The following NSUN7 variants were observed in gnomAD, a reference collection of about 807,000 sequenced individuals.
NSUN7 encodes the protein NOP2/Sun RNA methyltransferase family member 7, also known as protein NSUN7.
A neutral mutation model predicts 58.5 loss-of-function variants in NSUN7; 39 were observed. The observed-to-expected ratio is 0.67, with a 90% confidence interval of 0.52 to 0.87. The LOEUF (loss-of-function observed/expected upper bound fraction) is 0.87. NSUN7 is among the 40% of genes least tolerant of loss of function. NSUN7 has a pLI of 0.00. For synonymous variants in NSUN7, 278 were observed against 303.7 expected, an observed-to-expected ratio of 0.92 and a Z score of 0.88; for missense variants, 765 against 844.1, an observed-to-expected ratio of 0.91 and a Z score of 1.16.
rs541980574 is a variant in NSUN7, at chr4:40,758,928, C to T, written c.299-1506C>T. On this transcript the variant is annotated intron_variant, in intron 2 of 11. Transcript: ENST00000381782. The stretch of plus-strand genomic sequence containing the variant: ...TGAATTCAAATTCAAGGTATAAATT[C>T]AATTTATACCTTGGTTATAGTAGGC... Among the ~76,000 whole-genome samples, 4 of 151,912 alleles carry T rather than the reference C, an allele frequency of 2.6e-5. No homozygotes were observed. The South Asian group carries it at 8.3e-4, about 32-fold the overall frequency.
At chr4:40,785,227 G>A (rs905373949) in intron 7 of NSUN7, among the ~76,000 whole-genome samples, 1 of 151,126 alleles carries the variant, frequency 6.6e-6, no homozygotes, top group Non-Finnish European at 1.5e-5. Flanking sequence ...GTAGAGACAA[G>A]GTCTCACTAT....
intron 2 of NSUN7, among the ~76,000 whole-genome samples, chr4:40,755,078 G>C (rs1481174733): frequency 6.6e-6 from 1 of 152,124 alleles, no homozygotes; most frequent in Non-Finnish European, 1.5e-5. Flanking sequence ...AAGCAGTAGA[G>C]TACCAGTAGC....
chr4:40,767,346 T>A (rs1269455428), intron 4 of NSUN7, among the ~76,000 whole-genome samples: 1 of 152,222 alleles, frequency 6.6e-6, no homozygotes, highest in Non-Finnish European at 1.5e-5. Flanking sequence ...ATGTACCCAG[T>A]AGTCATTCAG....
At chr4:40,785,209 T>A (rs1742752946) in intron 7 of NSUN7, among the ~76,000 whole-genome samples, 1 of 152,040 alleles carries the variant, frequency 6.6e-6, no homozygotes, top group African/African-American at 2.4e-5. Flanking sequence ...CTATTTTTTT[T>A]TTTTTTGGTA....
rs184955637 is a variant in NSUN7 at position 40,800,076 on chromosome 4, G to A, written c.1400+1172G>A. ...AATGTGCATATTTTAAGATTTAATC[G>A]ATATTGTCAAATTACTACCAAGACA... On this transcript the variant is annotated intron_variant, in intron 10 of 11. Transcript: ENST00000381782. Among the ~76,000 whole-genome samples the A allele has an allele frequency of 3.8e-3, 572 of 152,150 alleles. 2 individuals are homozygous for A. The highest frequency in any genetic ancestry group is 0.013 in the African/African-American group (549 of 41,506).
chr4:40,804,294 G>A (rs991807995), intron 10 of NSUN7, among the ~76,000 whole-genome samples: 38 of 152,100 alleles, frequency 2.5e-4, no homozygotes, highest in African/African-American at 9.2e-4. Flanking sequence ...AAAAAAATTA[G>A]CCAGGCGTGG....
Position 40,805,566 on chromosome 4 carries a change from A to C in NSUN7, c.1401-1495A>C, listed in dbSNP as rs535952011. On this transcript the variant is annotated intron_variant, in intron 10 of 11. Transcript: ENST00000381782. ...CTTCGGGGTAACTAACGTGGGACCTATCCTACATCTGCAAAATCCCCTTTG... is the reference window on the plus strand; with the variant it reads ...CTTCGGGGTAACTAACGTGGGACCTCTCCTACATCTGCAAAATCCCCTTTG... Among the ~76,000 whole-genome samples, 4 of 152,332 alleles carry C rather than the reference A, an allele frequency of 2.6e-5. No homozygotes were observed. The South Asian group carries it at 8.3e-4, about 32-fold the overall frequency.
rs149238464 is a variant in NSUN7 at position 40,761,089 on chromosome 4, T to TAATGG, written c.358-64_358-60dup. ...CGTATTCCTGCTCTGTTATGAAAAATAATGGAATGGAATGGAATGGAAAAT... is the reference window on the plus strand; with the variant it reads ...CGTATTCCTGCTCTGTTATGAAAAATAATGGAATGGAATGGAATGGAATGGAAAAT... On this transcript the variant is annotated intron_variant, in intron 3 of 11. Coordinates refer to ENST00000381782, the MANE Select transcript of NSUN7 (RefSeq NM_024677.6). 5.2e-3 allele frequency: 5,811 copies of TAATGG among 1,118,882 alleles called. 28 individuals carry two copies. Among genetic ancestry groups the TAATGG allele is most frequent in the Non-Finnish European group, 6.1e-3 (4,783 of 779,460 alleles). 69.3% of individuals were successfully genotyped at this position (1,118,882 alleles called of 1,614,324 possible).
intron 7 of NSUN7, among the ~76,000 whole-genome samples, chr4:40,789,871 G>C (rs979690130): frequency 5.3e-5 from 8 of 152,094 alleles, no homozygotes; most frequent in Non-Finnish European, 1.0e-4. Context: ...CAGGTGAGGC[G>C]TGATAGCCAC....
intron 4 of NSUN7, among the ~76,000 whole-genome samples, chr4:40,771,768 TATC>T (rs746628214): frequency 1.0e-3 from 155 of 148,766 alleles, no homozygotes; most frequent in Middle Eastern, 3.6e-3. Context: ...TAATATTTAA[TATC>T]ATAAAGGAAG....
chr4:40,757,521 G>A (rs142793074), intron 2 of NSUN7, among the ~76,000 whole-genome samples: 1,599 of 146,770 alleles, frequency 0.011, 14 homozygotes, highest in Middle Eastern at 0.036. Context: ...ATATTACTAT[G>A]TGAAAAGGTA....
chr4:40,778,904 A>G (rs1293465729), intron 7 of NSUN7, among the ~76,000 whole-genome samples: 2 of 152,256 alleles, frequency 1.3e-5, no homozygotes, highest in African/African-American at 4.8e-5. Flanking sequence ...CTGCCAGGCT[A>G]GATTTTTATA....
Position 40,809,073 on chromosome 4 carries a change from T to C in NSUN7, c.*134T>C. ...CCTAGGGATCTTCTAAGTGTGATAT[T>C]ACTTTCAGAGAATTCAGACAAGTGA... On this transcript the variant is annotated 3_prime_UTR_variant, in exon 12 of 12. Coordinates refer to ENST00000381782, the MANE Select transcript of NSUN7 (RefSeq NM_024677.6). The C allele has an allele frequency of 1.1e-6, 1 of 932,664 alleles. No homozygotes were observed. The highest frequency in any genetic ancestry group is 2.5e-4 in the Middle Eastern group (1 of 4,024). 57.8% of individuals were successfully genotyped at this position (932,664 alleles called of 1,614,324 possible). A position where few individuals can be genotyped will look rare whatever the true frequency, so the allele number is the denominator to read the frequency against.
At chr4:40,780,813 A>ATATT (rs1560555749) in intron 7 of NSUN7, among the ~76,000 whole-genome samples, 14 of 63,252 alleles carry the variant, frequency 2.2e-4, no homozygotes, top group Admixed American at 5.6e-4. Context: ...ATATATATAT[A>ATATT]TTTTTTTTTT....
chr4:40,787,538 T>C (rs1296474877), intron 7 of NSUN7, among the ~76,000 whole-genome samples: 3 of 152,150 alleles, frequency 2.0e-5, no homozygotes, highest in African/African-American at 7.2e-5. Context: ...ATTTAACTGC[T>C]ATGGATTCCT....
At chr4:40,768,331 A>G (rs1166672520) in intron 4 of NSUN7, among the ~76,000 whole-genome samples, 1 of 151,266 alleles carries the variant, frequency 6.6e-6, no homozygotes, top group Non-Finnish European at 1.5e-5. Flanking sequence ...CCTCCCAAGT[A>G]GCTGGGATTA....
In NSUN7 at chr4:40,797,448, C is replaced by T. The variant is rs114103756; in HGVS notation, c.1283-1339C>T. ...GTCTAAGGTGGAAGCTCTGATCTTC[C>T]TCCCGCCATACTTGTTCCTCCCACA... On this transcript the variant is annotated intron_variant, in intron 9 of 11. Coordinates refer to ENST00000381782, the MANE Select transcript of NSUN7 (RefSeq NM_024677.6). Among the ~76,000 whole-genome samples the T allele has an allele frequency of 2.2e-3, 341 of 152,244 alleles. 1 individual carries two copies. The highest frequency in any genetic ancestry group is 7.9e-3 in the African/African-American group (327 of 41,554).
chr4:40,756,417 G>T (rs970108523), intron 2 of NSUN7, among the ~76,000 whole-genome samples: 1 of 152,254 alleles, frequency 6.6e-6, no homozygotes, highest in Non-Finnish European at 1.5e-5. Context: ...AATTAGTGGG[G>T]AGAGGGAGAG....
In NSUN7 at chr4:40,750,720, G is replaced by A. The variant is rs765006136; in HGVS notation, c.27G>A (p.Glu9=). Residue 9 remains glutamate, a synonymous_variant, in exon 2 of 12, where the codon GAG becomes GAA. Coordinates refer to ENST00000381782, the MANE Select transcript of NSUN7 (RefSeq NM_024677.6). MLNSTGEL[E]FSNEEDPEII... is the part of the protein sequence containing the mutation. ...TGCTGAATTCCACGGGCGAACTGGA[G>A]TTTTCGAACGAAGAAGATCCCGAGA... is the stretch of plus-strand genomic sequence containing the variant. 73 of 1,613,682 alleles carry A rather than the reference G, an allele frequency of 4.5e-5. No homozygotes were observed. Among genetic ancestry groups the A allele is most frequent in the Non-Finnish European group, 6.1e-5 (72 of 1,179,852 alleles).
Sources: gnomAD v4.1 joint callset for allele counts (sites outside exome capture counted in the v4.1 genomes callset) on GRCh38, gnomAD v4.1.1 for gene constraint, MANE v1.5 for transcripts, NCBI Gene and HGNC (gene_info 2026-07-23, HGNC 2026-07-21) for gene names.